GRIK4: variants seen among roughly 807,000 people sequenced by gnomAD.
GRIK4 encodes the protein glutamate ionotropic receptor kainate type subunit 4, also known as glutamate receptor ionotropic, kainate 4.
Under a neutral mutation model 104.9 loss-of-function variants are expected in GRIK4, and 40 were observed. The observed-to-expected ratio is 0.38, with a 90% CI of 0.30 to 0.50. GRIK4 has a LOEUF of 0.50. GRIK4 is among the 20% of genes least tolerant of loss of function. The probability of loss-of-function intolerance (pLI) is 0.93; values close to 1 mark genes in which losing one functional copy is unlikely to be tolerated. For missense variants in GRIK4, 1,047 were observed against 1,308.1 expected (o/e 0.80, Z 3.08); for synonymous variants, 485 against 524.9 (o/e 0.92, Z 1.04).
At chr11:120,525,380 C>T (rs1368271445) in intron 1 of GRIK4, among the ~76,000 whole-genome samples, 1 of 152,136 alleles carries the variant, frequency 6.6e-6, no homozygotes, top group Non-Finnish European at 1.5e-5. Context: ...TCACCAGGAG[C>T]CTCCCATCAA....
At chr11:120,912,229 G>T (rs1943015265) in intron 13 of GRIK4, among the ~76,000 whole-genome samples, 1 of 152,146 alleles carries the variant, frequency 6.6e-6, no homozygotes, top group Admixed American at 6.5e-5. Context: ...AAACAGGTCT[G>T]GGAGGAGAGA....
intron 3 of GRIK4, among the ~76,000 whole-genome samples, chr11:120,706,333 C>T (rs1172728893): frequency 1.3e-5 from 2 of 152,348 alleles, no homozygotes; most frequent in South Asian, 2.1e-4. Context: ...CCAGTTTCTT[C>T]TGGACTCCTG....
intron 1 of GRIK4, among the ~76,000 whole-genome samples, chr11:120,528,821 C>T (rs1040392128): frequency 3.3e-5 from 5 of 152,178 alleles, no homozygotes; most frequent in Non-Finnish European, 5.9e-5. Context: ...AGACCTGCCT[C>T]CATGATTCAA....
chr11:120,708,055 G>A (rs1950659792), intron 3 of GRIK4, among the ~76,000 whole-genome samples: 1 of 152,196 alleles, frequency 6.6e-6, no homozygotes, highest in Admixed American at 6.5e-5. Flanking sequence ...GAATGCCAGA[G>A]ACACATCATA....
Position 120,727,111 on chromosome 11 carries a change from G to C in GRIK4, c.82+66711G>C, listed in dbSNP as rs551688468. Among the ~76,000 whole-genome samples, 56 of 152,312 alleles carry C rather than the reference G, an allele frequency of 3.7e-4. 1 individual carries two copies. The South Asian group carries it at 0.011, about 31-fold the overall frequency. On this transcript the variant is annotated intron_variant, in intron 3 of 20. Transcript: ENST00000527524. ...ACTGGAAAATGTGATGGGCCAATTT[G>C]AGGATAGGAACTGCAGTTGGGAGGG...
chr11:120,791,799 T>C (rs1952400378), intron 3 of GRIK4, among the ~76,000 whole-genome samples: 1 of 152,214 alleles, frequency 6.6e-6, no homozygotes. Context: ...CTTTAACATA[T>C]GGATATCCAA....
At chr11:120,820,744 C>T (rs80311196) in intron 6 of GRIK4, among the ~76,000 whole-genome samples, 2,244 of 152,248 alleles carry the variant, frequency 0.015, 56 homozygotes, top group African/African-American at 0.047. Context: ...TATTAGGGCT[C>T]CTTTCTATGG....
At chr11:120,531,796 G>A (rs921034339) in intron 1 of GRIK4, among the ~76,000 whole-genome samples, 3 of 151,968 alleles carry the variant, frequency 2.0e-5, no homozygotes, top group African/African-American at 2.4e-5. Context: ...GGCTGGTCTC[G>A]GACTCCTGAC....
chr11:120,524,653 G>A lies in GRIK4; in HGVS notation c.-159+12766G>A, dbSNP rs1329474491. ...CAAAGGTGGCGTTTGGGCTGACAGCGCTAACTTCTGGATCAGGCTGTGGGC... is the reference window on the plus strand; with the variant it reads ...CAAAGGTGGCGTTTGGGCTGACAGCACTAACTTCTGGATCAGGCTGTGGGC... On this transcript the variant is annotated intron_variant, in intron 1 of 20. Coordinates refer to ENST00000527524, the MANE Select transcript of GRIK4 (RefSeq NM_014619.5). This position sits in a 1 kb window ranked among gnomAD's most constrained non-coding sequence, Gnocchi z 4.5. 1.3e-5 allele frequency among the ~76,000 whole-genome samples: 2 copies of A among 152,154 alleles called. No individual in the cohort carries two copies. Among genetic ancestry groups the A allele is most frequent in the African/African-American group, 2.4e-5 (1 of 41,432 alleles).
intron 1 of GRIK4, among the ~76,000 whole-genome samples, chr11:120,535,962 G>A (rs1947969458): frequency 6.6e-6 from 1 of 152,138 alleles, no homozygotes; most frequent in Non-Finnish European, 1.5e-5. Context: ...TGGCCATCTC[G>A]CTGCATGTAT....
At chr11:120,941,897 A>G (rs1943734734) in intron 14 of GRIK4, among the ~76,000 whole-genome samples, 1 of 152,228 alleles carries the variant, frequency 6.6e-6, no homozygotes, top group Non-Finnish European at 1.5e-5. Flanking sequence ...CAGTTGTGGT[A>G]CTTTTTTATG....
intron 3 of GRIK4, among the ~76,000 whole-genome samples, chr11:120,669,517 A>G (rs1455531610): frequency 1.3e-5 from 2 of 152,152 alleles, no homozygotes; most frequent in Non-Finnish European, 2.9e-5. Flanking sequence ...TTCCCTATCA[A>G]TAGGACCTTC....
chr11:120,554,242 C>G lies in GRIK4; in HGVS notation c.-159+42355C>G, dbSNP rs562283131. On this transcript the variant is annotated intron_variant, in intron 1 of 20. Coordinates refer to ENST00000527524, the MANE Select transcript of GRIK4 (RefSeq NM_014619.5). ...TAAGTCTACAGATGAGTTTCTGAACCCAGGATATCATTGGCAGACAAGGTT... is the reference window on the plus strand; with the variant it reads ...TAAGTCTACAGATGAGTTTCTGAACGCAGGATATCATTGGCAGACAAGGTT... 3.9e-5 allele frequency among the ~76,000 whole-genome samples: 6 copies of G among 152,322 alleles called. No homozygotes were observed. In the South Asian group the frequency reaches 8.3e-4, roughly 21 times the overall value.
intron 9 of GRIK4, among the ~76,000 whole-genome samples, chr11:120,863,594 A>G (rs934030761): frequency 1.3e-5 from 2 of 152,270 alleles, no homozygotes; most frequent in African/African-American, 4.8e-5. Flanking sequence ...GTGGAAAAGC[A>G]TTAGGTCTAG....
intron 3 of GRIK4, among the ~76,000 whole-genome samples, chr11:120,698,932 C>T (rs919582066): frequency 6.6e-6 from 1 of 152,220 alleles, no homozygotes; most frequent in Non-Finnish European, 1.5e-5. Context: ...CCCTGTGAGG[C>T]CTAGCTCCAG....
At chr11:120,966,193 G>C (rs1944380731) in intron 18 of GRIK4, among the ~76,000 whole-genome samples, 1 of 149,758 alleles carries the variant, frequency 6.7e-6, no homozygotes, top group African/African-American at 2.6e-5. Context: ...GGAGAAACAG[G>C]GTGATGGACA....
intron 7 of GRIK4, among the ~76,000 whole-genome samples, chr11:120,836,132 G>T (rs1341446392): frequency 6.6e-6 from 1 of 152,224 alleles, no homozygotes; most frequent in African/African-American, 2.4e-5. Flanking sequence ...GGGCCCCAAA[G>T]AGAGTTGTGT....
intron 15 of GRIK4, among the ~76,000 whole-genome samples, chr11:120,955,045 A>G (rs1944110060): frequency 1.3e-5 from 2 of 151,518 alleles, no homozygotes; most frequent in South Asian, 2.1e-4. Flanking sequence ...TTTTACAGGG[A>G]AAAAAAAATG....
At chr11:120,791,269 G>A (rs1023371470) in intron 3 of GRIK4, among the ~76,000 whole-genome samples, 1 of 152,128 alleles carries the variant, frequency 6.6e-6, no homozygotes, top group Non-Finnish European at 1.5e-5. Context: ...TCAGCAATTG[G>A]TATGGTCAAG....
Sources: gnomAD v4.1 joint callset for allele counts (sites outside exome capture counted in the v4.1 genomes callset) on GRCh38, gnomAD v4.1.1 for gene constraint, Gnocchi (gnomAD v3.1) non-coding constraint, MANE v1.5 for transcripts, NCBI Gene and HGNC (gene_info 2026-07-23, HGNC 2026-07-21) for gene names.